The following IL1RAPL1 variants were observed in gnomAD, a reference collection of about 807,000 sequenced individuals.
IL1RAPL1 encodes the protein interleukin-1 receptor accessory protein-like 1.
Under a neutral mutation model 48.4 loss-of-function variants are expected in IL1RAPL1, and 3 were observed. The ratio of observed to expected loss-of-function variants is 0.06; its 90% confidence interval spans 0.03 to 0.16. IL1RAPL1 has a LOEUF of 0.16. Ranked by LOEUF, IL1RAPL1 falls within the 10% of genes least tolerant of loss-of-function variation. The pLI is 1.00. For missense variants in IL1RAPL1, 349 were observed against 530.6 expected (o/e 0.66, Z 3.36); for synonymous variants, 185 against 187.7 (o/e 0.99, Z 0.12).
intron 2 of IL1RAPL1, among the ~76,000 whole-genome samples, chrX:29,212,997 CT>C (rs200074825): frequency 1.4e-3 from 149 of 108,168 alleles, no homozygotes; most frequent in Middle Eastern, 4.7e-3. Flanking sequence ...AATTAGACAA[CT>C]TTTTTTTTTC....
intron 2 of IL1RAPL1, among the ~76,000 whole-genome samples, chrX:28,811,069 G>A (rs972676179): frequency 9.0e-6 from 1 of 110,541 alleles, no homozygotes; most frequent in African/African-American, 3.3e-5. Context: ...CAAATAACTT[G>A]TTTGGATTTA....
At chrX:28,752,136 T>C (rs1227888636) in intron 1 of IL1RAPL1, among the ~76,000 whole-genome samples, 3 of 112,333 alleles carry the variant, frequency 2.7e-5, no homozygotes, top group Non-Finnish European at 5.6e-5. Flanking sequence ...AAATGGGCTT[T>C]AGAAATTGTT....
rs141980855 is a variant in IL1RAPL1 at position 29,352,978 on chromosome X, A to C, written c.363-43280A>C. Among the ~76,000 whole-genome samples, 910 of 111,352 alleles carry C rather than the reference A, an allele frequency of 8.2e-3. 9 individuals are homozygous for C. The highest frequency in any genetic ancestry group is 0.028 in the African/African-American group (863 of 30,665). On this transcript the variant is annotated intron_variant, in intron 3 of 10. Transcript: ENST00000378993. ...CAATTCTCATTCTCTGACCCTACTT[A>C]CTTGCTACTGGCAGCTTTATTTTTA...
chrX:28,992,603 G>T (rs1481099157), intron 2 of IL1RAPL1, among the ~76,000 whole-genome samples: 1 of 108,417 alleles, frequency 9.2e-6, no homozygotes. Context: ...AATATTCCTT[G>T]GCAATTTTAT....
At chrX:29,462,135 G>C (rs1934810118) in intron 5 of IL1RAPL1, among the ~76,000 whole-genome samples, 1 of 108,165 alleles carries the variant, frequency 9.2e-6, no homozygotes. Context: ...ATCATAGAAT[G>C]AGTACATATA....
chrX:29,019,956 A>G (rs1005268187), intron 2 of IL1RAPL1, among the ~76,000 whole-genome samples: 3 of 112,296 alleles, frequency 2.7e-5, no homozygotes, highest in African/African-American at 9.7e-5. Context: ...AATTATTGAT[A>G]TACATGATGG....
At chrX:28,722,321 A>G (rs1269875938) in intron 1 of IL1RAPL1, among the ~76,000 whole-genome samples, 1 of 111,181 alleles carries the variant, frequency 9.0e-6, no homozygotes, top group African/African-American at 3.3e-5. Flanking sequence ...ATCCCTTGTA[A>G]GTTGAATTCC....
intron 1 of IL1RAPL1, among the ~76,000 whole-genome samples, chrX:28,660,007 TGA>T (rs1934799939): frequency 1.8e-5 from 2 of 110,338 alleles, no homozygotes; most frequent in African/African-American, 6.6e-5. Flanking sequence ...TTTTCATGTC[TGA>T]GTGTGGGAAA....
At chrX:29,685,683 T>C (rs1431630174) in intron 6 of IL1RAPL1, among the ~76,000 whole-genome samples, 1 of 110,244 alleles carries the variant, frequency 9.1e-6, no homozygotes, top group African/African-American at 3.3e-5. Flanking sequence ...GTTGTGAAAA[T>C]GATTATAAGA....
chrX:28,905,102 T>C (rs1439305572), intron 2 of IL1RAPL1, among the ~76,000 whole-genome samples: 1 of 111,539 alleles, frequency 9.0e-6, no homozygotes, highest in African/African-American at 3.2e-5. Flanking sequence ...ATCTCTAAGA[T>C]AAACACATTT....
intron 5 of IL1RAPL1, among the ~76,000 whole-genome samples, chrX:29,628,508 G>A (rs918367335): frequency 4.5e-5 from 5 of 111,724 alleles, no homozygotes; most frequent in Non-Finnish European, 9.4e-5. Flanking sequence ...TTAGGTATGT[G>A]AGGTTAAGAA....
chrX:29,817,095 A>G (rs984122320), intron 6 of IL1RAPL1, among the ~76,000 whole-genome samples: 1 of 111,308 alleles, frequency 9.0e-6, no homozygotes, highest in African/African-American at 3.3e-5. Context: ...CTAATCAGAC[A>G]TTTCAATTCC....
chrX:28,801,588 G>A (rs548710674), intron 2 of IL1RAPL1, among the ~76,000 whole-genome samples: 139 of 111,965 alleles, frequency 1.2e-3, no homozygotes, highest in Admixed American at 0.012. Flanking sequence ...TCACAGTGAT[G>A]ATCACAAAAA....
intron 2 of IL1RAPL1, among the ~76,000 whole-genome samples, chrX:28,973,209 A>T (rs1219312617): frequency 8.9e-6 from 1 of 112,055 alleles, no homozygotes; most frequent in African/African-American, 3.2e-5. Flanking sequence ...GCTTGAAAAC[A>T]GAGCACTTTT....
At chrX:28,797,186 C>T (rs1233552183) in intron 2 of IL1RAPL1, among the ~76,000 whole-genome samples, 1 of 111,250 alleles carries the variant, frequency 9.0e-6, no homozygotes, top group Non-Finnish European at 1.9e-5. Flanking sequence ...TCCTCCTAAA[C>T]CTCTGGGCCT....
intron 7 of IL1RAPL1, among the ~76,000 whole-genome samples, chrX:29,918,144 A>AAT (rs748970921): frequency 0.052 from 1,233 of 23,677 alleles, 120 homozygotes; most frequent in East Asian, 0.12. Flanking sequence ...AAAAAAAAAA[A>AAT]ATATATATAT....
chrX:29,608,237 A>T (rs1050245242), intron 5 of IL1RAPL1, among the ~76,000 whole-genome samples: 5 of 111,920 alleles, frequency 4.5e-5, no homozygotes, highest in African/African-American at 1.6e-4. Context: ...GGATGTCAAG[A>T]TTGCAAAAGT....
chrX:29,455,989 G>A (rs780467078), intron 5 of IL1RAPL1, among the ~76,000 whole-genome samples: 4 of 110,644 alleles, frequency 3.6e-5, no homozygotes, highest in African/African-American at 1.3e-4. Flanking sequence ...GTGAAACACC[G>A]AAAATTGGAG....
chrX:28,981,280 T>C (rs1925334587), intron 2 of IL1RAPL1, among the ~76,000 whole-genome samples: 1 of 108,559 alleles, frequency 9.2e-6, no homozygotes. Context: ...TTATTAACAT[T>C]GATACTAAAT....
Sources: gnomAD v4.1 joint callset for allele counts (sites outside exome capture counted in the v4.1 genomes callset) on GRCh38, gnomAD v4.1.1 for gene constraint, MANE v1.5 for transcripts, NCBI Gene and HGNC (gene_info 2026-07-23, HGNC 2026-07-21) for gene names.